MSR1: variants seen among roughly 807,000 people sequenced by gnomAD.
MSR1 encodes the protein macrophage scavenger receptor types I and II.
In MSR1, 53 loss-of-function variants were observed where a neutral mutation model predicts 47.2. The ratio of observed to expected loss-of-function variants is 1.12; its 90% CI spans 0.90 to 1.41. The LOEUF (loss-of-function observed/expected upper bound fraction) is 1.41. Among genes scored for constraint, MSR1 ranks in the 40% most tolerant of loss-of-function variants. The probability of loss-of-function intolerance (pLI) is 0.00; values close to 1 mark genes in which losing one functional copy is unlikely to be tolerated. For synonymous variants in MSR1, 239 were observed against 185.6 expected, an observed-to-expected ratio of 1.29 and a Z score of -2.34; for missense variants, 786 against 546.9, an observed-to-expected ratio of 1.44 and a Z score of -4.36.
chr8:16,176,512 GAAAAA>G (rs201669327), intron 2 of MSR1, among the ~76,000 whole-genome samples: 3 of 93,806 alleles, frequency 3.2e-5, no homozygotes, highest in African/African-American at 1.1e-4. Flanking sequence ...GTCTCAAAAA[GAAAAA>G]AAAAAAAAGG....
intron 9 of MSR1, among the ~76,000 whole-genome samples, chr8:16,116,776 T>C (rs1298775438): frequency 6.6e-6 from 1 of 152,130 alleles, no homozygotes; most frequent in Non-Finnish European, 1.5e-5. Context: ...AGGACAATAG[T>C]CTTCAGCTAT....
intron 9 of MSR1, 109 bp from the exon 10 acceptor site, chr8:16,110,327 A>G: frequency 8.0e-7 from 1 of 1,251,592 alleles, no homozygotes; most frequent in Non-Finnish European, 1.2e-6. Context: ...AGTGTTGATT[A>G]TTTTCTGTAT....
intron 8 of MSR1, among the ~76,000 whole-genome samples, chr8:16,131,243 T>C (rs1377792011): frequency 6.6e-6 from 1 of 152,142 alleles, no homozygotes; most frequent in Non-Finnish European, 1.5e-5. Flanking sequence ...ATTAGTGATG[T>C]TGAACATTTT....
chr8:16,186,821 C>T (rs989827009), intron 1 of MSR1, among the ~76,000 whole-genome samples: 3 of 137,900 alleles, frequency 2.2e-5, no homozygotes, highest in Non-Finnish European at 4.6e-5. Flanking sequence ...ACTATGTTGC[C>T]CAGGCTGATC....
intron 3 of MSR1, among the ~76,000 whole-genome samples, chr8:16,173,382 T>G (rs919022789): frequency 6.6e-6 from 1 of 152,220 alleles, no homozygotes; most frequent in African/African-American, 2.4e-5. Flanking sequence ...AAATTCTAAT[T>G]GGTTTATATG....
chr8:16,139,984 T>C, intron 8 of MSR1: 1 of 512,564 alleles, frequency 2.0e-6, no homozygotes, highest in Non-Finnish European at 2.5e-6. Context: ...TGTTCATTTG[T>C]CTACATCTCT....
intron 8 of MSR1, among the ~76,000 whole-genome samples, chr8:16,124,006 GTTTC>G (rs1800070605): frequency 2.6e-5 from 4 of 152,084 alleles, no homozygotes; most frequent in Admixed American, 2.0e-4. Context: ...ATATTTTACA[GTTTC>G]TTTCTTGATG....
At chr8:16,176,859 A>G (rs1223149828) in intron 2 of MSR1, among the ~76,000 whole-genome samples, 1 of 152,160 alleles carries the variant, frequency 6.6e-6, no homozygotes, top group Admixed American at 6.5e-5. Context: ...ACAGAGCACA[A>G]GATCCACTGT....
At chr8:16,181,321 A>G (rs1054750369) in intron 1 of MSR1, among the ~76,000 whole-genome samples, 16 of 152,166 alleles carry the variant, frequency 1.1e-4, no homozygotes, top group African/African-American at 3.6e-4. Flanking sequence ...ACAGTGTAAA[A>G]GCATTCCTAT....
At chr8:16,165,675 G>C (rs1801284313) in intron 4 of MSR1, among the ~76,000 whole-genome samples, 1 of 152,060 alleles carries the variant, frequency 6.6e-6, no homozygotes, top group African/African-American at 2.4e-5. Flanking sequence ...GAAGTAAAAA[G>C]AATATTACAC....
At chr8:16,188,714 A>G (rs1486847388) in intron 1 of MSR1, among the ~76,000 whole-genome samples, 3 of 151,704 alleles carry the variant, frequency 2.0e-5, no homozygotes, top group South Asian at 2.1e-4. Flanking sequence ...CCCTGTGTCC[A>G]CGTGCTCTCA....
chr8:16,178,619 C>A (rs1439084832), intron 1 of MSR1, among the ~76,000 whole-genome samples: 2 of 152,118 alleles, frequency 1.3e-5, no homozygotes, highest in African/African-American at 4.8e-5. Flanking sequence ...GGTATATACC[C>A]AGTAATGGGA....
At chr8:16,159,473 C>T (rs1310838744) in intron 5 of MSR1, among the ~76,000 whole-genome samples, 1 of 151,808 alleles carries the variant, frequency 6.6e-6, no homozygotes, top group Non-Finnish European at 1.5e-5. Context: ...ATCTTTGTCT[C>T]TTTTAACTGT....
At chr8:16,162,021 G>T (rs1486688986) in intron 5 of MSR1, among the ~76,000 whole-genome samples, 1 of 152,000 alleles carries the variant, frequency 6.6e-6, no homozygotes, top group Non-Finnish European at 1.5e-5. Flanking sequence ...GAATCGTGAA[G>T]AAGCAATAGT....
intron 1 of MSR1, among the ~76,000 whole-genome samples, chr8:16,178,396 T>C (rs1344561990): frequency 2.0e-5 from 3 of 152,078 alleles, no homozygotes; most frequent in Non-Finnish European, 2.9e-5. Flanking sequence ...AGAATGATGG[T>C]TTCCAGCTTC....
chr8:16,168,851 T>A lies in MSR1; in HGVS notation c.237A>T (p.Glu79Asp), dbSNP rs772279728. Reference sequence around the variant, plus strand: ...TTGAACTAACTGAGCAATTCTTCGTTTCCCACTTCAGGAGTTGAGCTGTAT... The same window carrying A: ...TTGAACTAACTGAGCAATTCTTCGTATCCCACTTCAGGAGTTGAGCTGTAT... ...GIVAAQLLKW[E>D]TKNCSVSSTN... Residue 79 changes from glutamate (E) to aspartate (D), a missense_variant, in exon 4 of 10, where the codon GAA becomes GAT. Physicochemically the swap from Glu to Asp is conservative, Grantham distance 45 (BLOSUM62 2). Transcript: ENST00000262101. 2 of 1,613,340 alleles carry A rather than the reference T, an allele frequency of 1.2e-6. No individual in the cohort carries two copies. Among genetic ancestry groups the A allele is most frequent in the African/African-American group, 2.7e-5 (2 of 74,926 alleles).
At chr8:16,181,539 T>C (rs1386459746) in intron 1 of MSR1, among the ~76,000 whole-genome samples, 1 of 151,820 alleles carries the variant, frequency 6.6e-6, no homozygotes, top group Non-Finnish European at 1.5e-5. Context: ...CTCCGCAAAC[T>C]AACACAGGAA....
chr8:16,173,188 T>C (rs17620929), intron 3 of MSR1, among the ~76,000 whole-genome samples: 63,856 of 151,984 alleles, frequency 0.42, 13,911 homozygotes, highest in South Asian at 0.5. Context: ...TCAATCATTG[T>C]AAACTCCAGA....
chr8:16,133,783 AC>A (rs1412999080), intron 8 of MSR1, among the ~76,000 whole-genome samples: 1 of 152,086 alleles, frequency 6.6e-6, no homozygotes, highest in African/African-American at 2.4e-5. Flanking sequence ...CAGGATATTG[AC>A]CCCACTTATT....
Sources: gnomAD v4.1 joint callset for allele counts (sites outside exome capture counted in the v4.1 genomes callset) on GRCh38, gnomAD v4.1.1 for gene constraint, MANE v1.5 for transcripts, NCBI Gene and HGNC (gene_info 2026-07-23, HGNC 2026-07-21) for gene names.